The following CHCHD6 variants were observed in gnomAD, a reference collection of about 807,000 sequenced individuals.
CHCHD6 encodes coiled-coil-helix-coiled-coil-helix domain containing 6, also known as MICOS complex subunit MIC25.
CHCHD6 carries 28 observed loss-of-function variants against 32.3 expected under a neutral mutation model. That is an observed-to-expected ratio of 0.87 (90% CI 0.64 to 1.19). The LOEUF (loss-of-function observed/expected upper bound fraction) is 1.19, where lower values mean the gene tolerates loss of function less well. CHCHD6 is among the 50% of genes most tolerant of loss of function. The probability of loss-of-function intolerance (pLI) is 0.00; values close to 1 mark genes in which losing one functional copy is unlikely to be tolerated. For missense variants in CHCHD6, 333 were observed against 307.0 expected, an observed-to-expected ratio of 1.08 and a Z score of -0.63; for synonymous variants, 122 against 117.5, an observed-to-expected ratio of 1.04 and a Z score of -0.25.
At chr3:126,858,511 G>A (rs368341472) in intron 5 of CHCHD6, among the ~76,000 whole-genome samples, 13 of 152,264 alleles carry the variant, frequency 8.5e-5, no homozygotes, top group African/African-American at 3.1e-4. Context: ...CACCCTCCTC[G>A]CTGGCCTGCA....
rs141751390 is a variant in CHCHD6 at position 126,764,168 on chromosome 3, C to A, written c.411+30946C>A. 2.6e-3 allele frequency among the ~76,000 whole-genome samples: 381 copies of A among 144,894 alleles called. 1 individual carries two copies. Among genetic ancestry groups the A allele is most frequent in the African/African-American group, 9.2e-3 (360 of 39,336 alleles). On this transcript the variant is annotated intron_variant, in intron 4 of 7. Coordinates refer to ENST00000290913, the MANE Select transcript of CHCHD6 (RefSeq NM_032343.3). Reference sequence around the variant, plus strand: ...ACTCTAAGAAATATATATATACACACACATATATACACATACATACATACA... The same window carrying A: ...ACTCTAAGAAATATATATATACACAAACATATATACACATACATACATACA...
chr3:126,853,668 G>A (rs1941554604), intron 5 of CHCHD6, among the ~76,000 whole-genome samples: 2 of 152,186 alleles, frequency 1.3e-5, no homozygotes, highest in Non-Finnish European at 2.9e-5. Flanking sequence ...CTTTGCCGGT[G>A]TTTAGGGGAT....
intron 4 of CHCHD6, among the ~76,000 whole-genome samples, chr3:126,824,560 C>CA (rs71150454): frequency 0.14 from 5,753 of 39,930 alleles, 647 homozygotes; most frequent in Middle Eastern, 0.38. Context: ...GACTCTGTCT[C>CA]AAAAAAAAAA....
At chr3:126,764,612 G>C (rs1053579118) in intron 4 of CHCHD6, among the ~76,000 whole-genome samples, 5 of 152,200 alleles carry the variant, frequency 3.3e-5, no homozygotes, top group African/African-American at 1.2e-4. Context: ...GAAGATCTAA[G>C]TGCAGCTCCG....
At chr3:126,848,131 C>T (rs1490179761) in intron 4 of CHCHD6, among the ~76,000 whole-genome samples, 1 of 152,162 alleles carries the variant, frequency 6.6e-6, no homozygotes, top group Non-Finnish European at 1.5e-5. Flanking sequence ...CCACCATAGC[C>T]AACTAACTTT....
chr3:126,806,477 G>A (rs965755612), intron 4 of CHCHD6, among the ~76,000 whole-genome samples: 12 of 152,224 alleles, frequency 7.9e-5, no homozygotes, highest in African/African-American at 2.9e-4. Context: ...TCAGAGAAAT[G>A]CAAATCAAAA....
chr3:126,890,262 T>C (rs1224082257), intron 5 of CHCHD6, among the ~76,000 whole-genome samples: 3 of 152,238 alleles, frequency 2.0e-5, no homozygotes, highest in East Asian at 3.8e-4. Flanking sequence ...GCTCAGCCAC[T>C]TCCTGGGCAT....
At chr3:126,913,207 CTTTTTTTTTTTTTTTTTTTTTTTTTT>C (rs546179022) in intron 5 of CHCHD6, among the ~76,000 whole-genome samples, 9 of 33,744 alleles carry the variant, frequency 2.7e-4, no homozygotes, top group Admixed American at 5.1e-4. Flanking sequence ...CCGTATGAGC[CTTTTTTTTTTTTTTTTTTTTTTTTTT>C]TTTTTTTTTT....
intron 4 of CHCHD6, among the ~76,000 whole-genome samples, chr3:126,734,551 T>A (rs775480963): frequency 3.3e-5 from 5 of 152,202 alleles, no homozygotes; most frequent in Non-Finnish European, 5.9e-5. Flanking sequence ...TAAATGCACT[T>A]TGAACCAGGC....
At chr3:126,859,763 C>T (rs958755806) in intron 5 of CHCHD6, among the ~76,000 whole-genome samples, 7 of 152,190 alleles carry the variant, frequency 4.6e-5, no homozygotes, top group African/African-American at 1.7e-4. Context: ...TCCACTGCCA[C>T]GTGCTGCCTC....
intron 4 of CHCHD6, among the ~76,000 whole-genome samples, chr3:126,786,324 G>C (rs959416973): frequency 3.9e-5 from 6 of 152,120 alleles, no homozygotes; most frequent in Non-Finnish European, 5.9e-5. Flanking sequence ...ATGATTTATA[G>C]TCCTTTGGGT....
chr3:126,730,742 T>A, intron 3 of CHCHD6, 112 bp downstream of exon 3: 1 of 809,210 alleles, frequency 1.2e-6, no homozygotes, highest in Non-Finnish European at 2.0e-6. Flanking sequence ...CTCACATAAT[T>A]AATCTCAGTT....
At chr3:126,821,303 T>C (rs1940139023) in intron 4 of CHCHD6, among the ~76,000 whole-genome samples, 1 of 152,230 alleles carries the variant, frequency 6.6e-6, no homozygotes, top group Admixed American at 6.5e-5. Flanking sequence ...TTCCCTTGCA[T>C]GTTAATTTCT....
intron 4 of CHCHD6, among the ~76,000 whole-genome samples, chr3:126,744,086 C>G (rs1028870574): frequency 6.6e-6 from 1 of 151,838 alleles, no homozygotes; most frequent in Non-Finnish European, 1.5e-5. Context: ...TGGGGCAGCC[C>G]TTACAGCCCT....
chr3:126,766,671 G>T, intron 4 of CHCHD6: 2 of 1,062,104 alleles, frequency 1.9e-6, no homozygotes, highest in Non-Finnish European at 2.9e-6. Flanking sequence ...TGGCCACAAT[G>T]ATGCTGCTCT....
intron 1 of CHCHD6, among the ~76,000 whole-genome samples, chr3:126,724,056 C>A (rs1935429167): frequency 6.6e-6 from 1 of 152,204 alleles, no homozygotes; most frequent in African/African-American, 2.4e-5. Flanking sequence ...GTTATCCAGT[C>A]TTCATTAGGG....
At chr3:126,862,210 A>G (rs1489364093) in intron 5 of CHCHD6, among the ~76,000 whole-genome samples, 25 of 89,262 alleles carry the variant, frequency 2.8e-4, no homozygotes, top group Non-Finnish European at 5.4e-4. Context: ...CTCCTCCACC[A>G]TCATCACCAC....
At chr3:126,909,424 C>T (rs2078054646) in intron 5 of CHCHD6, among the ~76,000 whole-genome samples, 1 of 152,214 alleles carries the variant, frequency 6.6e-6, no homozygotes, top group African/African-American at 2.4e-5. Context: ...CCGGCCTCCT[C>T]ACCATGCTTC....
chr3:126,704,934 T>G (rs904543032), intron 1 of CHCHD6, among the ~76,000 whole-genome samples: 1 of 152,118 alleles, frequency 6.6e-6, no homozygotes, highest in African/African-American at 2.4e-5. Flanking sequence ...CTTCCCTGGT[T>G]CCAAAGCTGG....
Sources: allele counts gnomAD v4.1 joint callset (sites outside exome capture counted in the v4.1 genomes callset), GRCh38; gene constraint gnomAD v4.1.1; transcripts MANE v1.5; gene names NCBI Gene and HGNC (gene_info 2026-07-23, HGNC 2026-07-21).